The following COL11A1 variants were observed in gnomAD, a reference collection of about 807,000 sequenced individuals.
COL11A1 encodes the protein collagen type XI alpha 1 chain, also known as collagen alpha-1(XI) chain.
Under a neutral mutation model 265.2 loss-of-function variants are expected in COL11A1, and 74 were observed. The observed-to-expected ratio is 0.28, with a 90% CI of 0.23 to 0.34. The LOEUF is 0.34. Among genes scored for constraint, COL11A1 ranks in the 10% least tolerant of loss-of-function variants. The pLI is 1.00. For synonymous variants in COL11A1, 816 were observed against 727.6 expected (o/e 1.12, Z -1.96); for missense variants, 2,165 against 2,263.6 (o/e 0.96, Z 0.88).
At position 102,898,980 on chromosome 1, in the gene COL11A1, A is replaced by G; in HGVS notation, c.4101T>C (p.Ala1367=). The part of the protein sequence containing the change: ...GPPGKRGPPG[A]AGAEGRQGEK... Reference sequence around the variant, plus strand: ...CACCTTGTCTTCCCTCTGCACCTGCAGCTCCAGGAGGACCCTATAGACATA... The same window carrying G: ...CACCTTGTCTTCCCTCTGCACCTGCGGCTCCAGGAGGACCCTATAGACATA... Residue 1367 remains alanine, a synonymous_variant, in exon 55 of 67, where the codon GCT becomes GCC. Transcript: ENST00000370096. The G allele has an allele frequency of 6.4e-7, 1 of 1,553,592 alleles. No homozygotes were observed. Among genetic ancestry groups the G allele is most frequent in the South Asian group, 1.2e-5 (1 of 82,458 alleles).
intron 4 of COL11A1, among the ~76,000 whole-genome samples, chr1:103,038,918 G>A (rs35884314): frequency 0.038 from 5,826 of 152,166 alleles, 127 homozygotes; most frequent in Middle Eastern, 0.1. Context: ...GGAGTGAGAC[G>A]AGAATGATAA....
At position 103,005,843 on chromosome 1, in the gene COL11A1, G is replaced by A. The variant is rs1417714910; in HGVS notation, c.1840C>T (p.His614Tyr). Residue 614 changes from histidine to tyrosine, a missense_variant, in exon 18 of 67, where the codon CAC becomes TAC. By Grantham distance (83) the His-to-Tyr change is moderately conservative (BLOSUM62 2). Transcript: ENST00000370096. ...GLPGLPGDKGHRGERGPQGPP... is the reference protein window; with the variant it reads ...GLPGLPGDKGYRGERGPQGPP... ...AAGGAATAGATGTATCTTACCCTGT[G>A]ACCTTTGTCACCTGGCAGACCCGGA... 6.2e-7 allele frequency: 1 copy of A among 1,613,890 alleles called. No individual in the cohort carries two copies. Among genetic ancestry groups the A allele is most frequent in the Non-Finnish European group, 8.5e-7 (1 of 1,179,962 alleles).
intron 41 of COL11A1, among the ~76,000 whole-genome samples, chr1:102,952,881 G>A (rs1362772497): frequency 6.6e-6 from 1 of 152,132 alleles, no homozygotes; most frequent in Non-Finnish European, 1.5e-5. Context: ...AATCACTGGA[G>A]AAGTTATATT....
At chr1:102,955,712 T>A (rs146892393) in intron 41 of COL11A1, among the ~76,000 whole-genome samples, 1,726 of 152,310 alleles carry the variant, frequency 0.011, 32 homozygotes, top group African/African-American at 0.039. Flanking sequence ...TAAAAATATA[T>A]GCAGTAGGTG....
At chr1:103,035,999 A>T (rs1158912401) in intron 4 of COL11A1, among the ~76,000 whole-genome samples, 1 of 151,856 alleles carries the variant, frequency 6.6e-6, no homozygotes, top group Non-Finnish European at 1.5e-5. Context: ...ATAAATGAAA[A>T]AAAGCAAAGA....
At chr1:102,916,924 C>G (rs903194554) in intron 49 of COL11A1, among the ~76,000 whole-genome samples, 2 of 151,722 alleles carry the variant, frequency 1.3e-5, no homozygotes, top group Admixed American at 1.3e-4. Context: ...ATATTCATAT[C>G]TTAAAAATGA....
intron 54 of COL11A1, among the ~76,000 whole-genome samples, chr1:102,903,687 T>C (rs61120351): frequency 0.052 from 7,952 of 152,268 alleles, 770 homozygotes; most frequent in African/African-American, 0.18. Flanking sequence ...AATTGATTGC[T>C]GCATCAGATA....
At chr1:103,011,672 C>T (rs1666140876) in intron 14 of COL11A1, among the ~76,000 whole-genome samples, 1 of 151,848 alleles carries the variant, frequency 6.6e-6, no homozygotes, top group Non-Finnish European at 1.5e-5. Context: ...TTTTAACTTT[C>T]AGAATAATAC....
intron 4 of COL11A1, 68 bp from the exon 5 acceptor site, chr1:103,031,312 C>G: frequency 1.3e-6 from 2 of 1,534,782 alleles, no homozygotes; most frequent in South Asian, 1.2e-5. Context: ...TACACATATA[C>G]CAAAGCGAGA....
chr1:102,924,788 G>A (rs969453476), intron 46 of COL11A1, among the ~76,000 whole-genome samples: 2 of 152,042 alleles, frequency 1.3e-5, no homozygotes, highest in Non-Finnish European at 2.9e-5. Flanking sequence ...GACTATTAAT[G>A]TGATACTAAT....
At chr1:102,971,423 G>A (rs1367158311) in intron 36 of COL11A1, among the ~76,000 whole-genome samples, 3 of 151,968 alleles carry the variant, frequency 2.0e-5, no homozygotes, top group Non-Finnish European at 2.9e-5. Context: ...TTCAAAACAT[G>A]GTCAACGGGT....
At chr1:102,985,377 A>G (rs1172173164) in intron 30 of COL11A1, among the ~76,000 whole-genome samples, 1 of 152,136 alleles carries the variant, frequency 6.6e-6, no homozygotes, top group African/African-American at 2.4e-5. Context: ...CCAAGTCATG[A>G]TCAGCATTAC....
chr1:103,072,986 A>G (rs1188331224), intron 4 of COL11A1, among the ~76,000 whole-genome samples: 12 of 151,788 alleles, frequency 7.9e-5, no homozygotes, highest in Admixed American at 7.9e-4. Flanking sequence ...CATTTTAAAA[A>G]CTAACTACAC....
chr1:102,982,782 A>G (rs561905304), intron 31 of COL11A1, among the ~76,000 whole-genome samples: 1 of 152,204 alleles, frequency 6.6e-6, no homozygotes, highest in African/African-American at 2.4e-5. Context: ...ATCACGTGGC[A>G]ATGAGGGAAC....
chr1:103,022,817 T>C lies in COL11A1; in HGVS notation c.1170A>G (p.Glu390=), dbSNP rs1284215021. 1 of 1,613,836 alleles carries C rather than the reference T, an allele frequency of 6.2e-7. No individual in the cohort carries two copies. Among genetic ancestry groups the C allele is most frequent in the South Asian group, 1.1e-5 (1 of 91,084 alleles). ...CATTAGGGGGGCTTGTTGGTTTATC[T>C]TCATATTCTTTATATTCATAAAAAT... ...EYDFYEYKEY[E]DKPTSPPNEE... Residue 390 remains glutamate (E), a synonymous_variant, in exon 8 of 67, where the codon GAA becomes GAG. Coordinates refer to ENST00000370096, the MANE Select transcript of COL11A1 (RefSeq NM_001854.4).
intron 1 of COL11A1, among the ~76,000 whole-genome samples, chr1:103,099,619 A>G (rs1674075979): frequency 6.6e-6 from 1 of 151,710 alleles, no homozygotes; most frequent in African/African-American, 2.4e-5. Context: ...GATTTTACAG[A>G]TTGATATTAT....
At chr1:103,053,184 G>C (rs961788047) in intron 4 of COL11A1, among the ~76,000 whole-genome samples, 1 of 152,146 alleles carries the variant, frequency 6.6e-6, no homozygotes, top group South Asian at 2.1e-4. Flanking sequence ...AGGACAAGTA[G>C]CATCCTATAT....
chr1:103,074,855 C>T (rs1453394187), intron 3 of COL11A1, 75 bp from the exon 4 acceptor site: 21 of 1,508,414 alleles, frequency 1.4e-5, no homozygotes, highest in Non-Finnish European at 1.9e-5. Context: ...CATAAAAATG[C>T]TGTGTATTTT....
At chr1:103,016,171 C>A (rs1403422182) in intron 11 of COL11A1, among the ~76,000 whole-genome samples, 1 of 151,840 alleles carries the variant, frequency 6.6e-6, no homozygotes, top group Non-Finnish European at 1.5e-5. Flanking sequence ...TTAACAGATA[C>A]ATAAATAGTA....
Sources: allele counts gnomAD v4.1 joint callset (sites outside exome capture counted in the v4.1 genomes callset), GRCh38; gene constraint gnomAD v4.1.1; transcripts MANE v1.5; gene names NCBI Gene and HGNC (gene_info 2026-07-23, HGNC 2026-07-21).